VRK2: variants seen among roughly 807,000 people sequenced by gnomAD.
The protein encoded by VRK2 is VRK serine/threonine kinase 2.
Under a neutral mutation model 57.6 loss-of-function variants are expected in VRK2, and 60 were observed. That is an observed-to-expected ratio of 1.04 (90% CI 0.85 to 1.29). The LOEUF (loss-of-function observed/expected upper bound fraction) is 1.29. Ranked by LOEUF, VRK2 falls within the 50% of genes most tolerant of loss-of-function variation. The pLI, the probability that VRK2 is intolerant of heterozygous loss-of-function variation, is 0.00. For missense variants in VRK2, 705 were observed against 588.1 expected, an observed-to-expected ratio of 1.20 and a Z score of -2.06; for synonymous variants, 231 against 199.2, an observed-to-expected ratio of 1.16 and a Z score of -1.35.
chr2:58,028,080 C>A (rs949202400), intron 2 of VRK2, among the ~76,000 whole-genome samples: 3 of 152,142 alleles, frequency 2.0e-5, no homozygotes, highest in Non-Finnish European at 4.4e-5. Flanking sequence ...ATCCCTTAAT[C>A]TAGGTCTTTA....
intron 1 of VRK2, among the ~76,000 whole-genome samples, chr2:57,939,905 A>T (rs1227256013): frequency 6.6e-6 from 1 of 152,184 alleles, no homozygotes; most frequent in Non-Finnish European, 1.5e-5. Context: ...TTTTACATGC[A>T]GTTTCATTAA....
At chr2:58,027,932 C>T (rs1033895435) in intron 2 of VRK2, among the ~76,000 whole-genome samples, 2 of 152,102 alleles carry the variant, frequency 1.3e-5, no homozygotes, top group African/African-American at 4.8e-5. Flanking sequence ...GGATAAACAA[C>T]ATAGTTTTAG....
intron 7 of VRK2, among the ~76,000 whole-genome samples, chr2:58,111,634 T>C (rs993862658): frequency 2.1e-4 from 32 of 152,302 alleles, no homozygotes; most frequent in African/African-American, 7.7e-4. Flanking sequence ...TATTTATATA[T>C]TCCTGTGGCT....
chr2:58,128,337 TA>T (rs1678666546), intron 8 of VRK2, among the ~76,000 whole-genome samples: 1 of 152,120 alleles, frequency 6.6e-6, no homozygotes, highest in Non-Finnish European at 1.5e-5. Flanking sequence ...AAGTAATTAT[TA>T]TTTTTTTTTC....
At chr2:58,062,653 C>T (rs1185737779) in intron 2 of VRK2, among the ~76,000 whole-genome samples, 1 of 152,070 alleles carries the variant, frequency 6.6e-6, no homozygotes, top group African/African-American at 2.4e-5. Flanking sequence ...AAGCCAAAGC[C>T]TAATCCAGAG....
intron 1 of VRK2, among the ~76,000 whole-genome samples, chr2:57,962,400 C>G (rs1477359739): frequency 6.6e-6 from 1 of 152,128 alleles, no homozygotes; most frequent in Non-Finnish European, 1.5e-5. Flanking sequence ...GTCCTCCCAA[C>G]CTCTATTTCT....
At chr2:58,147,428 T>G (rs531781575) in intron 12 of VRK2, among the ~76,000 whole-genome samples, 1 of 152,098 alleles carries the variant, frequency 6.6e-6, no homozygotes, top group South Asian at 2.1e-4. Flanking sequence ...TTAGTTCCTA[T>G]TGGTAAAATT....
At chr2:58,036,183 A>C (rs982759064) in intron 3 of VRK2, among the ~76,000 whole-genome samples, 1 of 151,982 alleles carries the variant, frequency 6.6e-6, no homozygotes. Flanking sequence ...TTCTCACCTA[A>C]TATATCTGGT....
chr2:58,045,617 T>C (rs1674682457), upstream of VRK2, among the ~76,000 whole-genome samples: 1 of 152,202 alleles, frequency 6.6e-6, no homozygotes, highest in Non-Finnish European at 1.5e-5. Flanking sequence ...TTTTTGTTTG[T>C]TTTTAGAAAC....
At chr2:57,935,218 T>C (rs1451067435) in intron 1 of VRK2, among the ~76,000 whole-genome samples, 7 of 152,132 alleles carry the variant, frequency 4.6e-5, no homozygotes, top group African/African-American at 1.7e-4. Context: ...TCTGACTAAT[T>C]TTGGCAGAAA....
chr2:58,108,158 C>G (rs1675029247), intron 7 of VRK2, among the ~76,000 whole-genome samples: 1 of 152,120 alleles, frequency 6.6e-6, no homozygotes, highest in Non-Finnish European at 1.5e-5. Flanking sequence ...TCTTCTTACT[C>G]TCTTTTTCTC....
intron 1 of VRK2, among the ~76,000 whole-genome samples, chr2:57,907,990 T>C (rs1022697030): frequency 1.3e-5 from 2 of 152,130 alleles, no homozygotes; most frequent in Non-Finnish European, 2.9e-5. Flanking sequence ...ATACAGGCTC[T>C]AAGAAACAGT....
chr2:57,955,346 C>G (rs912867232), intron 1 of VRK2, among the ~76,000 whole-genome samples: 1 of 147,174 alleles, frequency 6.8e-6, no homozygotes, highest in South Asian at 2.1e-4. Flanking sequence ...TATGCAAACA[C>G]ATATATCTAA....
intron 1 of VRK2, among the ~76,000 whole-genome samples, chr2:57,913,517 G>A (rs1670055328): frequency 6.6e-6 from 1 of 151,962 alleles, no homozygotes; most frequent in African/African-American, 2.4e-5. Context: ...AATTACAGAG[G>A]AATAAAGTTG....
intron 1 of VRK2, among the ~76,000 whole-genome samples, chr2:57,949,686 A>G (rs74928180): frequency 0.025 from 3,865 of 152,314 alleles, 166 homozygotes; most frequent in African/African-American, 0.088. Flanking sequence ...AGTGAAAGGA[A>G]GAGTTATATG....
At chr2:58,033,153 G>C (rs768747080) in intron 2 of VRK2, 5 of 152,068 alleles carry the variant, frequency 3.3e-5, no homozygotes, top group Non-Finnish European at 7.4e-5. Context: ...TAACTTGACT[G>C]TGTTTTGAAT....
At chr2:57,930,928 C>A (rs1201210006) in intron 1 of VRK2, among the ~76,000 whole-genome samples, 1 of 152,066 alleles carries the variant, frequency 6.6e-6, no homozygotes, top group Non-Finnish European at 1.5e-5. Context: ...GGATTTTCTT[C>A]TCTTTTAAAG....
intron 7 of VRK2, among the ~76,000 whole-genome samples, chr2:58,106,955 A>G (rs1356636983): frequency 4.6e-5 from 7 of 152,082 alleles, no homozygotes; most frequent in Admixed American, 4.6e-4. Flanking sequence ...AGGCAGGGAA[A>G]TTGAGGAGAA....
chr2:57,973,476 C>T (rs545523829), intron 1 of VRK2, among the ~76,000 whole-genome samples: 3 of 151,864 alleles, frequency 2.0e-5, no homozygotes, highest in Non-Finnish European at 4.4e-5. Context: ...CATTCAATAC[C>T]CATGCCTTTG....
Sources: gnomAD v4.1 joint callset for allele counts (sites outside exome capture counted in the v4.1 genomes callset) on GRCh38, gnomAD v4.1.1 for gene constraint, MANE v1.5 for transcripts, NCBI Gene and HGNC (gene_info 2026-07-23, HGNC 2026-07-21) for gene names.